The following ESR1 variants were observed in gnomAD, a reference collection of about 807,000 sequenced individuals.
ESR1 encodes the protein estrogen receptor.
In ESR1, 12 loss-of-function variants were observed where a neutral mutation model predicts 52.7. The observed-to-expected ratio is 0.23, with a 90% CI of 0.15 to 0.37. The LOEUF is 0.37. ESR1 is among the 10% of genes least tolerant of loss of function. The pLI is 1.00. For missense variants in ESR1, 584 were observed against 779.7 expected, an observed-to-expected ratio of 0.75 and a Z score of 2.99; for synonymous variants, 305 against 316.8, an observed-to-expected ratio of 0.96 and a Z score of 0.39.
intron 3 of ESR1, among the ~76,000 whole-genome samples, chr6:151,905,787 C>A (rs7772475): frequency 6.6e-6 from 1 of 152,022 alleles, no homozygotes; most frequent in Non-Finnish European, 1.5e-5. Context: ...GGCAAGATAG[C>A]CTTTTCTGTT....
In ESR1 at chr6:151,962,340, A is replaced by G. The variant is rs79786679; in HGVS notation, c.1096+17832A>G. Among the ~76,000 whole-genome samples the G allele has an allele frequency of 2.5e-4, 38 of 152,192 alleles. No individual in the cohort carries two copies. The East Asian group carries it at 6.4e-3, about 26-fold the overall frequency. ...AAAACCCAAGTGGGTTACCTAAGCC[A>G]TCATAGTTCTGCCCCCTGTTCCCTG... On this transcript the variant is annotated intron_variant, in intron 4 of 7. Coordinates refer to ENST00000206249, the MANE Select transcript of ESR1 (RefSeq NM_000125.4).
intron 3 of ESR1, among the ~76,000 whole-genome samples, chr6:151,898,318 A>G (rs1429968040): frequency 1.3e-5 from 2 of 151,422 alleles, no homozygotes; most frequent in Admixed American, 1.3e-4. Flanking sequence ...CTTCTTTCTC[A>G]GGAACACCAA....
At chr6:151,806,455 G>T (rs568349887), upstream of ESR1, among the ~76,000 whole-genome samples, 412 of 148,578 alleles carry the variant, frequency 2.8e-3, 3 homozygotes, top group African/African-American at 9.4e-3. Context: ...AGCAAAGGAA[G>T]TTTATTCAAA....
At chr6:152,123,469 C>G (rs898912152) in intron 6 of ESR1, among the ~76,000 whole-genome samples, 2 of 152,182 alleles carry the variant, frequency 1.3e-5, no homozygotes, top group Admixed American at 6.5e-5. Context: ...TCACTTTTAT[C>G]TTCCTTTTAA....
intron 2 of ESR1, among the ~76,000 whole-genome samples, chr6:151,712,370 C>T (rs1029222529): frequency 2.0e-5 from 3 of 152,114 alleles, no homozygotes; most frequent in African/African-American, 7.2e-5. Flanking sequence ...TTTTCTAATT[C>T]TATGAAGAAA....
chr6:151,775,607 G>T (rs894462056), intron 2 of ESR1, among the ~76,000 whole-genome samples: 2 of 152,062 alleles, frequency 1.3e-5, no homozygotes, highest in African/African-American at 4.8e-5. Context: ...AATTAGCTGT[G>T]CCGTGGCGGG....
chr6:151,917,237 C>T (rs1456359816), intron 3 of ESR1, among the ~76,000 whole-genome samples: 1 of 152,162 alleles, frequency 6.6e-6, no homozygotes, highest in Non-Finnish European at 1.5e-5. Context: ...TCCTGAGTTG[C>T]AAAACTGCTA....
intron 2 of ESR1, among the ~76,000 whole-genome samples, chr6:151,705,236 T>C (rs897819492): frequency 4.6e-5 from 7 of 152,136 alleles, no homozygotes; most frequent in African/African-American, 1.4e-4. Flanking sequence ...ATAATTTTAT[T>C]TATCAAGCTC....
chr6:151,888,417 T>G (rs1354159038), intron 3 of ESR1, among the ~76,000 whole-genome samples: 1 of 152,196 alleles, frequency 6.6e-6, no homozygotes, highest in Non-Finnish European at 1.5e-5. Flanking sequence ...TTTTGTTTTA[T>G]TTTTATAGCT....
intron 6 of ESR1, among the ~76,000 whole-genome samples, chr6:152,108,701 G>A (rs758449157): frequency 9.9e-5 from 15 of 152,190 alleles, no homozygotes; most frequent in South Asian, 8.3e-4. Flanking sequence ...CCATTGGAGT[G>A]TGCCAATGTA....
intron 2 of ESR1, among the ~76,000 whole-genome samples, chr6:151,708,876 T>C (rs904402301): frequency 1.3e-5 from 2 of 152,198 alleles, no homozygotes; most frequent in African/African-American, 2.4e-5. Context: ...TATATCTTGA[T>C]ATATCAATAT....
At chr6:151,765,057 TA>T (rs1784943581) in intron 2 of ESR1, among the ~76,000 whole-genome samples, 1 of 152,232 alleles carries the variant, frequency 6.6e-6, no homozygotes, top group African/African-American at 2.4e-5. Flanking sequence ...AAAGTAATTT[TA>T]ATAATATATT....
At chr6:151,717,855 A>G (rs1400760169) in intron 2 of ESR1, among the ~76,000 whole-genome samples, 1 of 152,234 alleles carries the variant, frequency 6.6e-6, no homozygotes, top group Non-Finnish European at 1.5e-5. Flanking sequence ...TTGAAAAGTC[A>G]TATACACAAG....
At chr6:151,981,766 A>G (rs2040015127) in intron 4 of ESR1, among the ~76,000 whole-genome samples, 1 of 152,248 alleles carries the variant, frequency 6.6e-6, no homozygotes, top group African/African-American at 2.4e-5. Context: ...AATGTATGCA[A>G]TCTTGTAATA....
chr6:152,036,043 TA>T (rs2045270089), intron 5 of ESR1, among the ~76,000 whole-genome samples: 1 of 152,166 alleles, frequency 6.6e-6, no homozygotes, highest in South Asian at 2.1e-4. Flanking sequence ...GAAACATTAA[TA>T]AAGTCAACCT....
At chr6:151,877,340 T>G (rs1792021190) in intron 2 of ESR1, among the ~76,000 whole-genome samples, 1 of 152,230 alleles carries the variant, frequency 6.6e-6, no homozygotes, top group African/African-American at 2.4e-5. Context: ...TTGTTTTTCT[T>G]CTTCTGACGT....
upstream of ESR1, among the ~76,000 whole-genome samples, chr6:151,806,937 A>G (rs1289741484): frequency 6.6e-6 from 1 of 152,156 alleles, no homozygotes; most frequent in Admixed American, 6.5e-5. Context: ...GAGAATTCCT[A>G]ATGGGACCAA....
At chr6:151,905,493 G>GA (rs1293894849) in intron 3 of ESR1, among the ~76,000 whole-genome samples, 1 of 151,932 alleles carries the variant, frequency 6.6e-6, no homozygotes, top group Non-Finnish European at 1.5e-5. Context: ...CCTAACAATA[G>GA]AAAAAAATCG....
intron 5 of ESR1, among the ~76,000 whole-genome samples, chr6:152,032,452 AC>A (rs1443895425): frequency 2.0e-5 from 3 of 152,224 alleles, no homozygotes; most frequent in African/African-American, 7.2e-5. Flanking sequence ...GTCTCAGGAT[AC>A]AAAATCAATG....
Sources: gnomAD v4.1 joint callset for allele counts (sites outside exome capture counted in the v4.1 genomes callset) on GRCh38, gnomAD v4.1.1 for gene constraint, MANE v1.5 for transcripts, NCBI Gene and HGNC (gene_info 2026-07-23, HGNC 2026-07-21) for gene names.